Variants in SFI1 observed in about 807,000 individuals in gnomAD.
The protein encoded by SFI1 is SFI1 centrin binding protein, also known as protein SFI1 homolog.
SFI1 carries 195 observed loss-of-function variants against 207.5 expected under a neutral mutation model. That is an observed-to-expected ratio of 0.94 (90% CI 0.84 to 1.06). SFI1 has a LOEUF of 1.06. Among genes scored for constraint, SFI1 ranks in the 50% least tolerant of loss-of-function variants. The pLI, the probability that SFI1 is intolerant of heterozygous loss-of-function variation, is 0.00. For missense variants in SFI1, 1,634 were observed against 1,588.0 expected (o/e 1.03, Z -0.49); for synonymous variants, 630 against 598.9 (o/e 1.05, Z -0.76).
At chr22:31,529,498 C>G (rs1191123773) in intron 3 of SFI1, among the ~76,000 whole-genome samples, 1 of 152,170 alleles carries the variant, frequency 6.6e-6, no homozygotes, top group Non-Finnish European at 1.5e-5. Context: ...TGCCCTCCAG[C>G]CTGGGCGAGA....
intron 2 of SFI1, among the ~76,000 whole-genome samples, chr22:31,516,167 G>A (rs987329324): frequency 5.9e-5 from 9 of 151,982 alleles, no homozygotes; most frequent in Non-Finnish European, 1.2e-4. Context: ...TGTTTTATGT[G>A]TGATAAATAT....
chr22:31,589,934 A>C (rs1472866891), intron 15 of SFI1, among the ~76,000 whole-genome samples: 1 of 151,672 alleles, frequency 6.6e-6, no homozygotes, highest in Admixed American at 6.6e-5. Context: ...GAGGCTGAGA[A>C]GTTCCATGAC....
intron 7 of SFI1, chr22:31,560,088 G>A (rs1296258620): frequency 8.5e-6 from 2 of 234,138 alleles, no homozygotes; most frequent in African/African-American, 4.6e-5. Context: ...GAAGATAAGT[G>A]ATAATGTGAG....
intron 4 of SFI1, among the ~76,000 whole-genome samples, chr22:31,539,221 T>C (rs998543673): frequency 2.0e-5 from 3 of 152,168 alleles, no homozygotes; most frequent in African/African-American, 7.2e-5. Flanking sequence ...GTGACTCCAA[T>C]GGCCCCTCAT....
rs1302611179 is a variant in SFI1, at chr22:31,595,140, G to GCA, written c.1544+5563_1544+5564insCA. On this transcript the variant is annotated intron_variant, in intron 15 of 32. Transcript: ENST00000400288. ...GCCTCCCAAGTAGCTGGGATTACAGGTGTGCGCCACCACGCCCGGCTAATT... is the reference window on the plus strand; with the variant it reads ...GCCTCCCAAGTAGCTGGGATTACAGGCATGTGCGCCACCACGCCCGGCTAATT... Among the ~76,000 whole-genome samples, 80 of 152,062 alleles carry GCA rather than the reference G, an allele frequency of 5.3e-4. 1 individual carries two copies. Among genetic ancestry groups the GCA allele is most frequent in the Non-Finnish European group, 1.3e-4 (9 of 68,012 alleles).
chr22:31,617,340 T>TG (rs58440033), intron 31 of SFI1, among the ~76,000 whole-genome samples: 17,498 of 151,748 alleles, frequency 0.12, 1,361 homozygotes, highest in African/African-American at 0.21. Flanking sequence ...CTGCTTCCTA[T>TG]GGGGGGGACG....
chr22:31,606,688 TTTTTC>T (rs1270363131), intron 21 of SFI1: 1 of 266,098 alleles, frequency 3.8e-6, no homozygotes, highest in Non-Finnish European at 6.8e-6. Context: ...GTATTTTCTT[TTTTTC>T]TTTTTTTTTT....
At chr22:31,585,557 A>C (rs1441064528) in intron 14 of SFI1, among the ~76,000 whole-genome samples, 1 of 152,214 alleles carries the variant, frequency 6.6e-6, no homozygotes. Context: ...ACCACAAATA[A>C]GTAAAGGCAG....
intron 2 of SFI1, among the ~76,000 whole-genome samples, chr22:31,510,037 G>C (rs2055257848): frequency 6.6e-6 from 1 of 151,826 alleles, no homozygotes; most frequent in African/African-American, 2.4e-5. Flanking sequence ...TCTCCATCAT[G>C]TTGGCCAGGC....
chr22:31,574,729 T>C (rs1413695097), intron 9 of SFI1, among the ~76,000 whole-genome samples: 1 of 152,140 alleles, frequency 6.6e-6, no homozygotes, highest in Non-Finnish European at 1.5e-5. Flanking sequence ...GAGATGTAGC[T>C]CAGGGATTCC....
chr22:31,575,436 C>T lies in SFI1; in HGVS notation c.1084+44C>T, dbSNP rs752905127. On this transcript the variant is annotated intron_variant, in intron 10 of 32. Transcript: ENST00000400288. ...AGGCTGTCCATTGCCTCAGCCAGGA[C>T]AGCATGAGCTCAGCAGCATGTGAAA... The T allele has an allele frequency of 3.5e-5, 54 of 1,524,016 alleles. 1 individual carries two copies. The South Asian group carries it at 6.4e-4, about 18-fold the overall frequency. 94.4% of individuals were successfully genotyped at this position (1,524,016 alleles called of 1,614,324 possible).
chr22:31,563,232 A>G (rs917744673), intron 8 of SFI1, among the ~76,000 whole-genome samples: 18 of 151,940 alleles, frequency 1.2e-4, no homozygotes, highest in African/African-American at 4.3e-4. Flanking sequence ...AGCTCAGGCA[A>G]TCTGCCTGCC....
chr22:31,613,300 G>C, intron 25 of SFI1, 54 bp from the exon 26 acceptor site: 1 of 1,605,546 alleles, frequency 6.2e-7, no homozygotes, highest in South Asian at 1.1e-5. Flanking sequence ...CACCTGGTCT[G>C]TGGGGGAGCT....
chr22:31,557,169 G>T, intron 7 of SFI1, 110 bp downstream of exon 7: 2 of 696,056 alleles, frequency 2.9e-6, no homozygotes, highest in Non-Finnish European at 4.6e-6. Context: ...GTTTGTATTT[G>T]GTTTTATTTT....
intron 14 of SFI1, among the ~76,000 whole-genome samples, chr22:31,587,035 T>A (rs990508597): frequency 3.3e-5 from 5 of 152,180 alleles, no homozygotes; most frequent in African/African-American, 1.2e-4. Flanking sequence ...TTTTAAAAAG[T>A]AACATACAGT....
intron 4 of SFI1, among the ~76,000 whole-genome samples, chr22:31,544,554 A>ACTAG (rs1343219928): frequency 6.6e-6 from 1 of 152,084 alleles, no homozygotes; most frequent in Non-Finnish European, 1.5e-5. Context: ...GGAGTTCAAG[A>ACTAG]CTAGCTAGGG....
intron 10 of SFI1, among the ~76,000 whole-genome samples, chr22:31,576,084 G>A (rs189221826): frequency 1.0e-3 from 155 of 151,836 alleles, no homozygotes; most frequent in East Asian, 0.01. Flanking sequence ...GAGTGCAGTG[G>A]TACAATCTCG....
At position 31,614,007 on chromosome 22, in the gene SFI1, G is replaced by T. The variant is rs1271197256; in HGVS notation, c.2996+152G>T. ...CTGGGAACCCCCTCTTCTCCAGCCA[G>T]ATCCCATCCCTCCCACGGCAAGAGG... On this transcript the variant is annotated intron_variant, in intron 27 of 32. Transcript: ENST00000400288. 2.8e-6 allele frequency: 3 copies of T among 1,076,832 alleles called. No homozygotes were observed. In the African/African-American group the frequency reaches 4.7e-5, roughly 17 times the overall value. The allele number at this position is 1,076,832 out of a possible 1,614,324, so 66.7% of individuals were successfully genotyped here.
Position 31,613,355 on chromosome 22 carries a change from T to C in SFI1, c.2567T>C (p.Val856Ala). The change falls in exon 26 of 33, where the codon GTG becomes GCG. Residue 856 changes from valine (V) to alanine (A), a missense_variant and splice_region_variant. Val to Ala is a moderately conservative substitution (Grantham distance 64). Coordinates refer to ENST00000400288, the MANE Select transcript of SFI1 (RefSeq NM_001007467.3). Reference protein sequence around the residue: ...WFWAFSLQAKVWATWLAFVLE... With the variant: ...WFWAFSLQAKAWATWLAFVLE... ...CCTCACCTCCTGCCCTCCCTGGAGGTGTGGGCCACGTGGCTGGCCTTTGTA... is the reference window on the plus strand; with the variant it reads ...CCTCACCTCCTGCCCTCCCTGGAGGCGTGGGCCACGTGGCTGGCCTTTGTA... The C allele has an allele frequency of 6.2e-7, 1 of 1,607,354 alleles. No homozygotes were observed. The highest frequency in any genetic ancestry group is 8.5e-7 in the Non-Finnish European group (1 of 1,176,320).
Sources: allele counts gnomAD v4.1 joint callset (sites outside exome capture counted in the v4.1 genomes callset), GRCh38; gene constraint gnomAD v4.1.1; transcripts MANE v1.5; gene names NCBI Gene and HGNC (gene_info 2026-07-23, HGNC 2026-07-21).